ORC3: variants seen among roughly 807,000 people sequenced by gnomAD.
The protein encoded by ORC3 is homolog of latheo, Drosophila.
In ORC3, 78 loss-of-function variants were observed where a neutral mutation model predicts 100.7. That is an observed-to-expected ratio of 0.77 (90% CI 0.65 to 0.94). The LOEUF is 0.94. Among genes scored for constraint, ORC3 ranks in the 40% least tolerant of loss-of-function variants. The pLI is 0.00. For missense variants in ORC3, 789 were observed against 823.9 expected, an observed-to-expected ratio of 0.96 and a Z score of 0.52; for synonymous variants, 295 against 289.3, an observed-to-expected ratio of 1.02 and a Z score of -0.20.
chr6:87,663,504 TAATA>T (rs1770366110), intron 17 of ORC3, among the ~76,000 whole-genome samples: 1 of 152,228 alleles, frequency 6.6e-6, no homozygotes, highest in African/African-American at 2.4e-5. Flanking sequence ...CAATATGGCC[TAATA>T]AATTACTGAA....
At chr6:87,595,435 G>A (rs553853112) in intron 2 of ORC3, 1 of 152,242 alleles carries the variant, frequency 6.6e-6, no homozygotes. Context: ...GTGTTATTAT[G>A]GATTGTTACC....
intron 13 of ORC3, among the ~76,000 whole-genome samples, chr6:87,647,597 T>C (rs949573551): frequency 6.6e-6 from 1 of 152,236 alleles, no homozygotes; most frequent in Non-Finnish European, 1.5e-5. Context: ...ATAGTGCATG[T>C]CTGTGCTTCT....
intron 13 of ORC3, among the ~76,000 whole-genome samples, chr6:87,639,329 G>A (rs1282316164): frequency 1.3e-5 from 2 of 152,092 alleles, no homozygotes; most frequent in Non-Finnish European, 1.5e-5. Flanking sequence ...CTTTGTTTGG[G>A]AAGAACATGG....
downstream of ORC3, among the ~76,000 whole-genome samples, chr6:87,669,083 G>T (rs1451309090): frequency 6.6e-6 from 1 of 152,266 alleles, no homozygotes; most frequent in African/African-American, 2.4e-5. Context: ...CTTAAACCCA[G>T]AAGGTGGAGG....
At chr6:87,653,423 G>A (rs1029905523) in intron 14 of ORC3, among the ~76,000 whole-genome samples, 174 bp downstream of exon 14, 2 of 152,152 alleles carry the variant, frequency 1.3e-5, no homozygotes, top group African/African-American at 4.8e-5. Context: ...TAGGCCAAAT[G>A]TTTCTCTTCT....
chr6:87,640,561 A>T lies in ORC3; in HGVS notation c.1382+4075A>T, dbSNP rs191714253. ...CTCAACCCTGTGTCATTATATAAGG[A>T]TATGTTTCCATTAAAAAGCCATTTG... On this transcript the variant is annotated intron_variant, in intron 13 of 19. Coordinates refer to ENST00000392844, the MANE Select transcript of ORC3 (RefSeq NM_012381.4). Among the ~76,000 whole-genome samples the T allele has an allele frequency of 3.1e-3, 466 of 152,270 alleles. 1 individual carries two copies. Among genetic ancestry groups the T allele is most frequent in the Non-Finnish European group, 4.5e-3 (304 of 67,998 alleles).
At chr6:87,631,913 G>A (rs1038991977) in intron 11 of ORC3, among the ~76,000 whole-genome samples, 6 of 152,046 alleles carry the variant, frequency 3.9e-5, no homozygotes, top group African/African-American at 9.7e-5. Flanking sequence ...GTCTAATCCC[G>A]ACACTTTGGG....
In ORC3 at chr6:87,667,252, C is replaced by A. The variant is rs1770713875; in HGVS notation, c.*129C>A. 3 of 577,674 alleles carry A rather than the reference C, an allele frequency of 5.2e-6. No individual in the cohort carries two copies. In the South Asian group the frequency reaches 7.7e-5, roughly 15 times the overall value. The allele number at this position is 577,674 out of a possible 1,614,324, so 35.8% of individuals were successfully genotyped here. On this transcript the variant is annotated 3_prime_UTR_variant, in exon 20 of 20. Coordinates refer to ENST00000392844, the MANE Select transcript of ORC3 (RefSeq NM_012381.4). Reference sequence around the variant, plus strand: ...ATGTGTAACCCCCATTGATGTTTAACCAGAAAAGTACATTGCTAACCCCAA... The same window carrying A: ...ATGTGTAACCCCCATTGATGTTTAAACAGAAAAGTACATTGCTAACCCCAA...
chr6:87,622,457 A>G (rs1281488717), intron 11 of ORC3, among the ~76,000 whole-genome samples: 1 of 152,166 alleles, frequency 6.6e-6, no homozygotes, highest in East Asian at 1.9e-4. Context: ...TTATATATTG[A>G]TAATATAAAG....
At chr6:87,664,911 G>A (rs1770480035) in intron 18 of ORC3, 52 bp downstream of exon 18, 2 of 1,064,992 alleles carry the variant, frequency 1.9e-6, no homozygotes, top group East Asian at 2.4e-5. Context: ...CATCCATGAT[G>A]ACTTTCTCAG....
At chr6:87,595,878 G>GGCTTCA (rs1366841199) in intron 2 of ORC3, among the ~76,000 whole-genome samples, 3 of 152,160 alleles carry the variant, frequency 2.0e-5, no homozygotes, top group Non-Finnish European at 4.4e-5. Context: ...CTGTCACCCA[G>GGCTTCA]GCTTCAGTTC....
chr6:87,674,646 T>A, the ORC3 span, among the ~76,000 whole-genome samples: 1,106 of 142,202 alleles, frequency 7.8e-3, 16 homozygotes, highest in African/African-American at 0.031. Flanking sequence ...ATATATATTT[T>A]TTTTTTTTTA....
At chr6:87,605,892 G>A (rs756422189) in intron 4 of ORC3, 25 bp from the exon 5 acceptor site, 16 of 1,134,748 alleles carry the variant, frequency 1.4e-5, no homozygotes, top group Non-Finnish European at 2.0e-5. Flanking sequence ...AAATGGTGAT[G>A]TAATATTGAT....
intron 12 of ORC3, among the ~76,000 whole-genome samples, chr6:87,635,601 A>G (rs1261200827): frequency 6.6e-6 from 1 of 152,142 alleles, no homozygotes. Flanking sequence ...ATTCGAGAAC[A>G]GCCTGGCCAA....
chr6:87,612,545 T>C (rs1778855144), intron 8 of ORC3, among the ~76,000 whole-genome samples: 1 of 152,234 alleles, frequency 6.6e-6, no homozygotes. Context: ...AGGTTTATAA[T>C]GTAAATTTTT....
chr6:87,601,703 A>G, intron 2 of ORC3, 81 bp from the exon 3 acceptor site: 1 of 802,416 alleles, frequency 1.2e-6, no homozygotes. Flanking sequence ...TCTGTCACTT[A>G]CTGTGTAACT....
At chr6:87,598,542 A>G (rs974905333) in intron 2 of ORC3, among the ~76,000 whole-genome samples, 2 of 152,154 alleles carry the variant, frequency 1.3e-5, no homozygotes, top group Admixed American at 1.3e-4. Flanking sequence ...TCTATTTAGA[A>G]CTTTTTGTAT....
intron 17 of ORC3, 90 bp from the exon 18 acceptor site, chr6:87,664,653 C>T: frequency 1.0e-6 from 1 of 958,816 alleles, no homozygotes; most frequent in Non-Finnish European, 1.6e-6. Context: ...TACTGGTTTA[C>T]TCAGTTTAGG....
chr6:87,642,857 G>A (rs547958821), intron 13 of ORC3, among the ~76,000 whole-genome samples: 22 of 146,690 alleles, frequency 1.5e-4, no homozygotes, highest in Non-Finnish European at 2.4e-4. Flanking sequence ...AGCCGAGATC[G>A]CACCACTGCA....
Sources: allele counts gnomAD v4.1 joint callset (sites outside exome capture counted in the v4.1 genomes callset), GRCh38; gene constraint gnomAD v4.1.1; transcripts MANE v1.5; gene names NCBI Gene and HGNC (gene_info 2026-07-23, HGNC 2026-07-21).